The following WARS2 variants were observed in gnomAD, a reference collection of about 807,000 sequenced individuals.
WARS2 encodes the protein tryptophan--tRNA ligase, mitochondrial.
Under a neutral mutation model 36.5 loss-of-function variants are expected in WARS2, and 28 were observed. The ratio of observed to expected loss-of-function variants is 0.77; its 90% CI spans 0.57 to 1.05. The LOEUF (loss-of-function observed/expected upper bound fraction) is 1.05. WARS2 is among the 50% of genes least tolerant of loss of function. The pLI, the probability that WARS2 is intolerant of heterozygous loss-of-function variation, is 0.00. For missense variants in WARS2, 435 were observed against 456.8 expected, an observed-to-expected ratio of 0.95 and a Z score of 0.44; for synonymous variants, 174 against 178.4, an observed-to-expected ratio of 0.98 and a Z score of 0.20.
chr1:119,084,502 C>T (rs12064114), intron 1 of WARS2, among the ~76,000 whole-genome samples: 17 of 151,998 alleles, frequency 1.1e-4, no homozygotes, highest in Non-Finnish European at 1.9e-4. Context: ...TGGAAAGAGG[C>T]CAATCAAACA....
intron 2 of WARS2, among the ~76,000 whole-genome samples, chr1:119,075,064 TA>T (rs1651620528): frequency 6.6e-6 from 1 of 152,032 alleles, no homozygotes; most frequent in South Asian, 2.1e-4. Flanking sequence ...ACAGGTACAC[TA>T]AAAGCTCAGA....
intron 1 of WARS2, among the ~76,000 whole-genome samples, chr1:119,080,651 G>A (rs887593867): frequency 4.6e-5 from 7 of 152,190 alleles, no homozygotes; most frequent in Non-Finnish European, 7.3e-5. Context: ...TTATGTTCCC[G>A]TCTGTTCCCT....
chr1:119,135,763 G>GAGAT (rs1435244590), intron 1 of WARS2, among the ~76,000 whole-genome samples: 77 of 145,058 alleles, frequency 5.3e-4, no homozygotes, highest in Non-Finnish European at 1.0e-3. Flanking sequence ...GAGAGATAGA[G>GAGAT]AGAGAGAGAG....
intron 1 of WARS2, among the ~76,000 whole-genome samples, chr1:119,129,267 A>G (rs888994890): frequency 1.3e-5 from 2 of 152,216 alleles, no homozygotes; most frequent in African/African-American, 4.8e-5. Flanking sequence ...CCAGACGTGG[A>G]TGTGTCAGCA....
Position 119,140,569 on chromosome 1 carries a change from C to A in WARS2, c.76G>T (p.Ala26Ser), listed in dbSNP as rs1656893459. The change falls in exon 1 of 6, where the codon GCT (alanine) becomes TCT (serine). Residue 26 changes from alanine to serine, a missense_variant. Ala to Ser is a moderately conservative substitution (Grantham distance 99, BLOSUM62 1). Transcript: ENST00000235521. ...TCTTTGGTTACCTGGAGAGCGGGAG[C>A]AGCTGCGGATCCCTTATGAAGTGCC... Reference protein sequence around the residue: ...IRALHKGSAAAPALQKDSKKR... With the variant: ...IRALHKGSAASPALQKDSKKR... The A allele has an allele frequency of 1.9e-6, 3 of 1,613,366 alleles. No homozygotes were observed. Among genetic ancestry groups the A allele is most frequent in the Non-Finnish European group, 2.5e-6 (3 of 1,179,416 alleles).
At chr1:119,070,193 A>C (rs1363074389) in intron 2 of WARS2, among the ~76,000 whole-genome samples, 1 of 152,224 alleles carries the variant, frequency 6.6e-6, no homozygotes, top group African/African-American at 2.4e-5. Context: ...AGTAATATTT[A>C]ATTCCTGTGG....
In WARS2 at chr1:119,140,606, C is replaced by A; in HGVS notation, c.39G>T (p.Trp13Cys). The change falls in exon 1 of 6, where the codon TGG becomes TGT. Residue 13 changes from tryptophan (W) to cysteine (C), a missense_variant. Physicochemically the swap from Trp to Cys is radical, Grantham distance 215. Transcript: ENST00000235521. Reference sequence around the variant, plus strand: ...CCTTATGAAGTGCCCGGATGAAGCTCCAGCGCTCACGCGCTTTCCGCATTG... The same window carrying A: ...CCTTATGAAGTGCCCGGATGAAGCTACAGCGCTCACGCGCTTTCCGCATTG... The part of the protein sequence containing the change: ...LHSMRKARER[W>C]SFIRALHKGS... 6.2e-7 allele frequency: 1 copy of A among 1,613,944 alleles called. No individual in the cohort carries two copies. Among genetic ancestry groups the A allele is most frequent in the Non-Finnish European group, 8.5e-7 (1 of 1,179,878 alleles).
rs567883889 is a variant in WARS2, at chr1:119,047,773, C to G, written c.349-2111G>C. On this transcript the variant is annotated intron_variant, in intron 2 of 5. Transcript: ENST00000235521. ...TATTTTATCATTTATGCTGTGAAAC[C>G]AAAAACAAACTAGCTGTATAACCCG... Among the ~76,000 whole-genome samples the G allele has an allele frequency of 2.0e-5, 3 of 152,082 alleles. No homozygotes were observed. In the East Asian group the frequency reaches 5.8e-4, roughly 29 times the overall value.
intron 1 of WARS2, among the ~76,000 whole-genome samples, chr1:119,104,866 G>C (rs1335276279): frequency 1.3e-5 from 2 of 152,042 alleles, no homozygotes; most frequent in Admixed American, 6.6e-5. Flanking sequence ...AATGAGGTTG[G>C]AAAAGCAGTG....
At chr1:119,053,133 A>C (rs1649504079) in intron 2 of WARS2, among the ~76,000 whole-genome samples, 1 of 152,218 alleles carries the variant, frequency 6.6e-6, no homozygotes, top group African/African-American at 2.4e-5. Context: ...CCCAGGCCAA[A>C]TCTGGCCTGT....
At chr1:119,039,371 GTA>G (rs1011607769) in intron 4 of WARS2, among the ~76,000 whole-genome samples, 6 of 151,432 alleles carry the variant, frequency 4.0e-5, no homozygotes, top group Admixed American at 1.3e-4. Context: ...ATGTGTGTGT[GTA>G]TATATATATG....
intron 2 of WARS2, chr1:119,064,013 A>G (rs967035647): frequency 3.3e-5 from 5 of 152,214 alleles, no homozygotes; most frequent in Non-Finnish European, 7.3e-5. Flanking sequence ...GTGAGCCTGG[A>G]AAAGCCACAG....
At chr1:119,054,296 GC>G (rs1385540839) in intron 2 of WARS2, among the ~76,000 whole-genome samples, 4 of 151,824 alleles carry the variant, frequency 2.6e-5, no homozygotes, top group African/African-American at 9.7e-5. Context: ...TGAAAGAGAT[GC>G]CCAATCTTAC....
intron 1 of WARS2, among the ~76,000 whole-genome samples, chr1:119,135,318 T>A (rs1012615899): frequency 3.9e-5 from 6 of 152,064 alleles, no homozygotes; most frequent in African/African-American, 1.2e-4. Flanking sequence ...GGGCGGGTAA[T>A]GGGGGAGAGG....
At chr1:119,085,291 T>G in intron 1 of WARS2, 1 of 1,081,536 alleles carries the variant, frequency 9.2e-7, no homozygotes, top group Non-Finnish European at 1.4e-6. Context: ...GTCCTGGCCT[T>G]GGGGAGCTTC....
At chr1:119,081,523 G>A in intron 1 of WARS2, among the ~76,000 whole-genome samples, 1 of 152,098 alleles carries the variant, frequency 6.6e-6, no homozygotes, top group Non-Finnish European at 1.5e-5. Flanking sequence ...TTGGCTCAAT[G>A]GCCACACTAT....
At chr1:119,080,380 G>A (rs1652092867) in intron 1 of WARS2, among the ~76,000 whole-genome samples, 1 of 152,146 alleles carries the variant, frequency 6.6e-6, no homozygotes, top group South Asian at 2.1e-4. Flanking sequence ...GAAGAGAAAA[G>A]CACCAGAGAA....
chr1:119,054,220 A>C (rs1045645408), intron 2 of WARS2, among the ~76,000 whole-genome samples: 1 of 152,016 alleles, frequency 6.6e-6, no homozygotes, highest in Non-Finnish European at 1.5e-5. Flanking sequence ...AACTCGATTG[A>C]AAAATGGGCA....
intron 1 of WARS2, among the ~76,000 whole-genome samples, chr1:119,101,229 T>C (rs587630475): frequency 1.3e-5 from 2 of 152,306 alleles, no homozygotes; most frequent in South Asian, 4.1e-4. Flanking sequence ...TTGATCACTA[T>C]GTATTATATA....
Sources: allele counts gnomAD v4.1 joint callset (sites outside exome capture counted in the v4.1 genomes callset), GRCh38; gene constraint gnomAD v4.1.1; transcripts MANE v1.5; gene names NCBI Gene and HGNC (gene_info 2026-07-23, HGNC 2026-07-21).